Variants in GNAL observed in about 807,000 individuals in gnomAD.
The protein encoded by GNAL is G protein subunit alpha L, also known as guanine nucleotide-binding protein G(olf) subunit alpha.
Under a neutral mutation model 55.1 loss-of-function variants are expected in GNAL, and 18 were observed. The observed-to-expected ratio is 0.33, with a 90% confidence interval of 0.23 to 0.48. GNAL has a LOEUF of 0.48. Ranked by LOEUF, GNAL falls within the 20% of genes least tolerant of loss-of-function variation. The pLI, the probability that GNAL is intolerant of heterozygous loss-of-function variation, is 0.99. For missense variants in GNAL, 412 were observed against 614.1 expected, an observed-to-expected ratio of 0.67 and a Z score of 3.48; for synonymous variants, 253 against 237.0, an observed-to-expected ratio of 1.07 and a Z score of -0.62.
intron 7 of GNAL, 106 bp from the exon 8 acceptor site, chr18:11,867,062 C>T: frequency 1.2e-6 from 1 of 837,384 alleles, no homozygotes; most frequent in South Asian, 1.4e-5. Context: ...ACTCAAGACC[C>T]ATGTGTGAAC....
At chr18:11,820,649 T>G (rs2035067869) in intron 4 of GNAL, among the ~76,000 whole-genome samples, 1 of 152,222 alleles carries the variant, frequency 6.6e-6, no homozygotes, top group Admixed American at 6.5e-5. Flanking sequence ...CTCTCTATTT[T>G]TATAAGTTTG....
At chr18:11,851,205 A>T (rs1252900304) in intron 5 of GNAL, among the ~76,000 whole-genome samples, 3 of 152,264 alleles carry the variant, frequency 2.0e-5, no homozygotes, top group African/African-American at 4.8e-5. Context: ...TTAGAATTTT[A>T]AAAACCGGGT....
intron 5 of GNAL, among the ~76,000 whole-genome samples, chr18:11,846,769 C>T (rs770831837): frequency 6.6e-6 from 1 of 151,800 alleles, no homozygotes; most frequent in African/African-American, 2.4e-5. Context: ...TCTGTCACCC[C>T]GAATGGAGTG....
intron 5 of GNAL, chr18:11,857,567 G>C (rs540724434): frequency 5.1e-6 from 5 of 985,546 alleles, no homozygotes; most frequent in Non-Finnish European, 4.8e-6. Context: ...GCAGAGATTA[G>C]AGCATAAAGC....
At chr18:11,853,930 C>G (rs1309262893) in intron 5 of GNAL, 3 of 166,668 alleles carry the variant, frequency 1.8e-5, no homozygotes, top group South Asian at 4.1e-4. Context: ...TCAAGTGATT[C>G]TCCTGCCTCA....
At chr18:11,813,254 T>TAAAAAAAAA (rs60626923) in intron 4 of GNAL, among the ~76,000 whole-genome samples, 35,362 of 138,158 alleles carry the variant, frequency 0.26, 5,146 homozygotes, top group African/African-American at 0.37. Flanking sequence ...GACTCCATCT[T>TAAAAAAAAA]AAAAAAAAGA....
At chr18:11,719,216 T>C (rs998243563) in intron 1 of GNAL, among the ~76,000 whole-genome samples, 1 of 151,880 alleles carries the variant, frequency 6.6e-6, no homozygotes, top group African/African-American at 2.4e-5. Context: ...TAAAAAAAAA[T>C]GTATCCTCAC....
In GNAL at chr18:11,881,890, T is replaced by C. The variant is rs574802395; in HGVS notation, c.*755T>C. On this transcript the variant is annotated 3_prime_UTR_variant, in exon 12 of 12. Transcript: ENST00000334049. This position sits in a 1 kb window ranked among gnomAD's most constrained non-coding sequence, Gnocchi z 4.8. The stretch of plus-strand genomic sequence containing the variant: ...ATGTAATATTCTTTTGTATAACTAC[T>C]AAAGAAAAATCCTTGTAGATCTTTG... The C allele has an allele frequency of 6.5e-6, 1 of 152,782 alleles. No individual in the cohort carries two copies. The highest frequency in any genetic ancestry group is 2.1e-4 in the South Asian group (1 of 4,832). The allele number at this position is 152,782 out of a possible 1,614,324, so 9.5% of individuals were successfully genotyped here. A position where few individuals can be genotyped will look rare whatever the true frequency, so the allele number is the denominator to read the frequency against.
At chr18:11,809,257 C>CAA (rs112266970) in intron 4 of GNAL, among the ~76,000 whole-genome samples, 23 of 143,160 alleles carry the variant, frequency 1.6e-4, no homozygotes, top group East Asian at 1.0e-3. Context: ...GACTCTATCT[C>CAA]AAAAAAAAAA....
chr18:11,710,278 C>T (rs534764215), intron 1 of GNAL, among the ~76,000 whole-genome samples: 9 of 152,258 alleles, frequency 5.9e-5, no homozygotes, highest in Non-Finnish European at 8.8e-5. Flanking sequence ...ACTTTGGTAT[C>T]GGCATACACT....
chr18:11,795,598 T>C (rs1367535967), intron 4 of GNAL, among the ~76,000 whole-genome samples: 2 of 152,212 alleles, frequency 1.3e-5, no homozygotes, highest in African/African-American at 4.8e-5. Context: ...TTGTACTTAG[T>C]GTAAATGCCA....
At chr18:11,869,041 C>T (rs1247924813) in intron 9 of GNAL, among the ~76,000 whole-genome samples, 3 of 151,996 alleles carry the variant, frequency 2.0e-5, no homozygotes, top group Admixed American at 2.0e-4. Context: ...CACACCCACA[C>T]ACCCACACAC....
At chr18:11,857,133 TA>T (rs11464925) in intron 5 of GNAL, 31 of 148,310 alleles carry the variant, frequency 2.1e-4, no homozygotes, top group South Asian at 2.1e-4. Context: ...ACCCAGATGT[TA>T]AAAAAAAAAA....
intron 1 of GNAL, among the ~76,000 whole-genome samples, chr18:11,692,270 A>G (rs1389533578): frequency 2.0e-5 from 3 of 152,236 alleles, no homozygotes; most frequent in African/African-American, 7.2e-5. Context: ...GTCCACTGCA[A>G]GAATGAATAA....
In GNAL at chr18:11,753,688, G is replaced by A; in HGVS notation, c.504+6G>A. On this transcript the variant is annotated splice_donor_region_variant and intron_variant, in intron 3 of 11. Transcript: ENST00000334049. ...ATGTTAAAGATGCTATCGTGGTAAG[G>A]ACTTTTTTAAATGATTGTTTACTAG... 2 of 1,584,990 alleles carry A rather than the reference G, an allele frequency of 1.3e-6. No individual in the cohort carries two copies. The highest frequency in any genetic ancestry group is 1.7e-6 in the Non-Finnish European group (2 of 1,153,576).
intron 5 of GNAL, among the ~76,000 whole-genome samples, chr18:11,835,587 A>C (rs2035481497): frequency 1.3e-5 from 2 of 152,304 alleles, no homozygotes; most frequent in South Asian, 4.1e-4. Flanking sequence ...TTATAATAAA[A>C]TGTAGGGGGA....
At chr18:11,820,150 G>A (rs529469951) in intron 4 of GNAL, among the ~76,000 whole-genome samples, 1 of 152,248 alleles carries the variant, frequency 6.6e-6, no homozygotes, top group Admixed American at 6.5e-5. Flanking sequence ...TGCGATAAAG[G>A]TCACTCTTAT....
intron 1 of GNAL, among the ~76,000 whole-genome samples, chr18:11,698,490 CAAA>C (rs201762409): frequency 4.5e-5 from 4 of 88,390 alleles, no homozygotes; most frequent in African/African-American, 4.0e-5. Context: ...GACTCTGTCT[CAAA>C]AAAAAAAAAA....
chr18:11,794,246 C>G (rs1387655003), intron 4 of GNAL, among the ~76,000 whole-genome samples: 1 of 152,212 alleles, frequency 6.6e-6, no homozygotes, highest in African/African-American at 2.4e-5. Flanking sequence ...ATCCCAAAAT[C>G]ACTGAAAGCA....
Sources: gnomAD v4.1 joint callset for allele counts (sites outside exome capture counted in the v4.1 genomes callset) on GRCh38, gnomAD v4.1.1 for gene constraint, Gnocchi (gnomAD v3.1) non-coding constraint, MANE v1.5 for transcripts, NCBI Gene and HGNC (gene_info 2026-07-23, HGNC 2026-07-21) for gene names.